SRPK2: variants seen among roughly 807,000 people sequenced by gnomAD.
The protein encoded by SRPK2 is SFRS protein kinase 2.
A neutral mutation model predicts 90.8 loss-of-function variants in SRPK2; 21 were observed. That is an observed-to-expected ratio of 0.23 (90% CI 0.16 to 0.33). The LOEUF is 0.33. Ranked by LOEUF, SRPK2 falls within the 10% of genes least tolerant of loss-of-function variation. The pLI is 1.00. For missense variants in SRPK2, 620 were observed against 869.0 expected, an observed-to-expected ratio of 0.71 and a Z score of 3.60; for synonymous variants, 288 against 311.1, an observed-to-expected ratio of 0.93 and a Z score of 0.78.
intron 8 of SRPK2, 50 bp from the exon 9 acceptor site, chr7:105,145,358 C>A: frequency 7.1e-7 from 1 of 1,414,262 alleles, no homozygotes. Flanking sequence ...CAGACACATG[C>A]CTTCATGTAG....
At chr7:105,138,778 G>A (rs889989956) in intron 11 of SRPK2, among the ~76,000 whole-genome samples, 6 of 152,184 alleles carry the variant, frequency 3.9e-5, no homozygotes, top group South Asian at 2.1e-4. Context: ...CAGCCTGGGC[G>A]ATAGAGCAAG....
chr7:105,232,505 T>A (rs1585275101), intron 2 of SRPK2, among the ~76,000 whole-genome samples: 1 of 149,374 alleles, frequency 6.7e-6, no homozygotes, highest in Non-Finnish European at 1.5e-5. Flanking sequence ...AAAGAGTTTT[T>A]AAGTACAAAA....
rs144697357 is a variant in SRPK2 at position 105,239,326 on chromosome 7, A to G, written c.72-35541T>C. 5.7e-3 allele frequency among the ~76,000 whole-genome samples: 862 copies of G among 152,370 alleles called. 9 individuals carry two copies. Among genetic ancestry groups the G allele is most frequent in the Non-Finnish European group, 8.6e-3 (584 of 68,026 alleles). On this transcript the variant is annotated intron_variant, in intron 2 of 15. Transcript: ENST00000393651. ...AAGCTACAATTTAACATCAGAAAGC[A>G]CAAAGTATAGATAGCATTCCTTCCT...
intron 2 of SRPK2, among the ~76,000 whole-genome samples, chr7:105,205,511 TCTCTCTCACACACACA>T (rs1484838307): frequency 1.4e-4 from 9 of 64,840 alleles, no homozygotes; most frequent in East Asian, 3.6e-4. Context: ...TCTCTCTCTC[TCTCTCTCACACACACA>T]CACACACACA....
At chr7:105,170,798 A>AAGGAC (rs1563024544) in intron 3 of SRPK2, among the ~76,000 whole-genome samples, 9 of 85,922 alleles carry the variant, frequency 1.0e-4, no homozygotes, top group South Asian at 5.4e-4. Context: ...GGAGGGAGGG[A>AAGGAC]GGGAGGGAGA....
intron 7 of SRPK2, 147 bp from the exon 8 acceptor site, chr7:105,146,805 C>G (rs1000381285): frequency 1.3e-6 from 1 of 795,664 alleles, no homozygotes; most frequent in Non-Finnish European, 2.0e-6. Flanking sequence ...CCTCCCATGC[C>G]TACCCACATT....
At chr7:105,397,190 G>T (rs1822355240) in intron 1 of SRPK2, among the ~76,000 whole-genome samples, 1 of 151,776 alleles carries the variant, frequency 6.6e-6, no homozygotes, top group East Asian at 1.9e-4. Context: ...GCTAATTTTT[G>T]TATTTTTAAT....
At chr7:105,378,821 T>C (rs961157708) in intron 2 of SRPK2, among the ~76,000 whole-genome samples, 8 of 151,000 alleles carry the variant, frequency 5.3e-5, no homozygotes, top group Non-Finnish European at 1.0e-4. Flanking sequence ...TTGAAAACCA[T>C]AATGAAATAT....
rs58260372 is a variant in SRPK2 at position 105,170,899 on chromosome 7, GAA to G, written c.230-1636_230-1635del. 1.4e-3 allele frequency among the ~76,000 whole-genome samples: 104 copies of G among 73,272 alleles called. 1 individual carries two copies. Among genetic ancestry groups the G allele is most frequent in the Admixed American group, 4.0e-3 (24 of 6,058 alleles). The allele number at this position is 73,272 out of a possible 152,430, so 48.1% of individuals were successfully genotyped here. ...AGAAAGAAAGAAAGAAAGAAAGAAA[GAA>G]AGAAAGAAAGAAAGGAGAAAGAAAA... On this transcript the variant is annotated intron_variant, in intron 3 of 15. Transcript: ENST00000393651.
intron 2 of SRPK2, among the ~76,000 whole-genome samples, chr7:105,338,821 T>C (rs945770011): frequency 6.6e-6 from 1 of 152,242 alleles, no homozygotes; most frequent in Non-Finnish European, 1.5e-5. Context: ...TTTTTGGTTA[T>C]AATAGTTCTC....
At chr7:105,120,938 A>T (rs1360111141) in intron 15 of SRPK2, among the ~76,000 whole-genome samples, 1 of 152,226 alleles carries the variant, frequency 6.6e-6, no homozygotes, top group Non-Finnish European at 1.5e-5. Context: ...ATGCCCAAGA[A>T]ATGTAGCCAC....
chr7:105,151,671 C>T (rs1805675648), intron 7 of SRPK2, among the ~76,000 whole-genome samples: 1 of 152,144 alleles, frequency 6.6e-6, no homozygotes, highest in Admixed American at 6.5e-5. Context: ...TTCAGCCTCC[C>T]AAGTGGCTGG....
chr7:105,159,466 A>AAAAACAAC (rs1554428679), intron 7 of SRPK2, among the ~76,000 whole-genome samples: 11 of 114,230 alleles, frequency 9.6e-5, no homozygotes, highest in Admixed American at 1.0e-4. Context: ...AAAAAAAAAA[A>AAAAACAAC]AAAAAAACCG....
intron 2 of SRPK2, among the ~76,000 whole-genome samples, chr7:105,274,947 G>C (rs1410148740): frequency 2.0e-5 from 3 of 151,710 alleles, no homozygotes; most frequent in Non-Finnish European, 4.4e-5. Context: ...AAGCTGGATG[G>C]CGCAATCTCG....
chr7:105,126,298 C>T lies in SRPK2; in HGVS notation c.1865G>A (p.Arg622Lys). 10 of 1,614,030 alleles carry T rather than the reference C, an allele frequency of 6.2e-6. No individual in the cohort carries two copies. Among genetic ancestry groups the T allele is most frequent in the Non-Finnish European group, 7.6e-6 (9 of 1,179,994 alleles). ...ATATTTTCCAGATAGAGCAAAGTGC[C>T]TTGGAATACTGCCTAGCAGCTCTAT... ...HIIELLGSIP[R>K]HFALSGKYSR... The change falls in exon 15 of 16, where the codon AGG becomes AAG. Residue 622 changes from arginine (R) to lysine (K), a missense_variant. By Grantham distance (26) the Arg-to-Lys change is conservative. Coordinates refer to ENST00000393651, the MANE Select transcript of SRPK2 (RefSeq NM_182692.3).
At chr7:105,377,730 G>T (rs888282584) in intron 2 of SRPK2, among the ~76,000 whole-genome samples, 2 of 151,898 alleles carry the variant, frequency 1.3e-5, no homozygotes, top group Non-Finnish European at 2.9e-5. Context: ...AGAAAAGCCT[G>T]GCCAAAGTCA....
intron 2 of SRPK2, among the ~76,000 whole-genome samples, chr7:105,254,644 ATCG>A (rs1802975742): frequency 6.6e-6 from 1 of 151,804 alleles, no homozygotes; most frequent in African/African-American, 2.4e-5. Flanking sequence ...TGATGATGTT[ATCG>A]TTGAAGTACA....
intron 2 of SRPK2, among the ~76,000 whole-genome samples, chr7:105,290,310 A>AAAAC (rs1186835177): frequency 6.6e-6 from 1 of 151,576 alleles, no homozygotes; most frequent in Admixed American, 6.6e-5. Context: ...CTGTTTCTAT[A>AAAAC]AAACAAACAA....
At chr7:105,307,633 G>A (rs111693740) in intron 2 of SRPK2, among the ~76,000 whole-genome samples, 29 of 152,186 alleles carry the variant, frequency 1.9e-4, no homozygotes, top group Admixed American at 3.3e-4. Context: ...CCCCACAGCT[G>A]TTAAAAAATA....
Sources: allele counts gnomAD v4.1 joint callset (sites outside exome capture counted in the v4.1 genomes callset), GRCh38; gene constraint gnomAD v4.1.1; transcripts MANE v1.5; gene names NCBI Gene and HGNC (gene_info 2026-07-23, HGNC 2026-07-21).